Variants in FGF13 observed in about 807,000 individuals in gnomAD.
The protein encoded by FGF13 is fibroblast growth factor 13.
FGF13 carries 2 observed loss-of-function variants against 19.5 expected under a neutral mutation model. The ratio of observed to expected loss-of-function variants is 0.10; its 90% confidence interval spans 0.04 to 0.32. The LOEUF (loss-of-function observed/expected upper bound fraction) is 0.32. Among genes scored for constraint, FGF13 ranks in the 10% least tolerant of loss-of-function variants. The pLI, the probability that FGF13 is intolerant of heterozygous loss-of-function variation, is 1.00. For synonymous variants in FGF13, 72 were observed against 76.9 expected (o/e 0.94, Z 0.33); for missense variants, 113 against 192.7 (o/e 0.59, Z 2.45).
At chrX:139,068,855 T>C (rs2092366371) in intron 1 of FGF13, among the ~76,000 whole-genome samples, 2 of 111,528 alleles carry the variant, frequency 1.8e-5, no homozygotes, top group African/African-American at 6.5e-5. Context: ...AAAGAACACA[T>C]GAAAAAATGC....
intron 3 of FGF13, among the ~76,000 whole-genome samples, chrX:138,787,903 G>T (rs773347921): frequency 9.0e-6 from 1 of 111,570 alleles, no homozygotes; most frequent in South Asian, 3.8e-4. Context: ...ATCACATTGG[G>T]ATTGGATTTC....
At chrX:139,178,487 G>A (rs1321735700) in intron 1 of FGF13, among the ~76,000 whole-genome samples, 1 of 111,844 alleles carries the variant, frequency 8.9e-6, no homozygotes, top group Non-Finnish European at 1.9e-5. Flanking sequence ...ATTTCCATGC[G>A]AACACTACAC....
chrX:138,725,087 A>T (rs1480041164), intron 1 of FGF13, among the ~76,000 whole-genome samples: 2 of 111,802 alleles, frequency 1.8e-5, no homozygotes, highest in Non-Finnish European at 3.8e-5. Context: ...CTATTTTGCG[A>T]GCTATGGTTC....
intron 1 of FGF13, among the ~76,000 whole-genome samples, chrX:139,174,692 G>T (rs1338991256): frequency 8.9e-6 from 1 of 111,952 alleles, no homozygotes; most frequent in Non-Finnish European, 1.9e-5. Flanking sequence ...GTTTGTCAAA[G>T]ATCAGAAGGT....
At chrX:138,781,351 C>T (rs2090640470) in intron 3 of FGF13, among the ~76,000 whole-genome samples, 1 of 109,861 alleles carries the variant, frequency 9.1e-6, no homozygotes, top group African/African-American at 3.3e-5. Flanking sequence ...ACACAAAAAA[C>T]CCTTCAAAAA....
At chrX:138,781,599 C>T (rs1233456507) in intron 3 of FGF13, among the ~76,000 whole-genome samples, 1 of 111,584 alleles carries the variant, frequency 9.0e-6, no homozygotes, top group African/African-American at 3.3e-5. Context: ...CACATACACT[C>T]TCCCAAGACT....
intron 1 of FGF13, among the ~76,000 whole-genome samples, chrX:139,038,861 C>G (rs2092259166): frequency 8.9e-6 from 1 of 112,005 alleles, no homozygotes; most frequent in South Asian, 3.7e-4. Context: ...GATACAAGGC[C>G]TTGAAAAATT....
intron 1 of FGF13, among the ~76,000 whole-genome samples, chrX:139,131,083 T>C (rs1039046306): frequency 9.0e-6 from 1 of 111,492 alleles, no homozygotes; most frequent in Non-Finnish European, 1.9e-5. Context: ...TTTTTCCCAA[T>C]TTGAGGATTG....
At chrX:138,978,952 G>T (rs2091952443) in intron 1 of FGF13, among the ~76,000 whole-genome samples, 1 of 112,352 alleles carries the variant, frequency 8.9e-6, no homozygotes, top group Admixed American at 9.4e-5. Flanking sequence ...AGCATCAAGA[G>T]ATTTAGGCCC....
At chrX:138,836,881 GTT>G (rs199771150) in intron 3 of FGF13, among the ~76,000 whole-genome samples, 2,317 of 96,826 alleles carry the variant, frequency 0.024, 66 homozygotes, top group African/African-American at 0.082. Context: ...TTGGTGGTGG[GTT>G]TTTTTTTTTT....
chrX:138,761,328 T>G (rs2090464617), intron 3 of FGF13, among the ~76,000 whole-genome samples: 1 of 111,446 alleles, frequency 9.0e-6, no homozygotes, highest in East Asian at 2.8e-4. Flanking sequence ...CAGACACAAT[T>G]TTTTACTCTC....
chrX:139,184,859 C>G (rs767038745), intron 1 of FGF13, among the ~76,000 whole-genome samples: 4 of 112,394 alleles, frequency 3.6e-5, no homozygotes, highest in African/African-American at 1.3e-4. Context: ...AATGAACAAT[C>G]TTTTTCATTC....
chrX:138,759,354 G>A (rs1279146381), intron 3 of FGF13, among the ~76,000 whole-genome samples: 1 of 112,481 alleles, frequency 8.9e-6, no homozygotes, highest in Non-Finnish European at 1.9e-5. Flanking sequence ...TGCCATTTAT[G>A]GCAACTGGCT....
Position 139,179,438 on chromosome X carries a change from T to C in FGF13, c.-113+23978A>G, listed in dbSNP as rs776324348. The stretch of plus-strand genomic sequence containing the variant: ...TCCTACAGTATGAGTCAAATACTCT[T>C]GTGATTCCAGGACATTAAAAAAAAA... On this transcript the variant is annotated intron_variant, in intron 1 of 2. Coordinates refer to the FGF13 transcript ENST00000421460. 5.2e-4 allele frequency among the ~76,000 whole-genome samples: 47 copies of C among 90,487 alleles called. No individual in the cohort carries two copies. The South Asian group carries it at 0.028, about 54-fold the overall frequency. 78.6% of individuals were successfully genotyped at this position (90,487 alleles called of 115,157 possible).
chrX:139,150,940 C>A (rs1036055335), intron 1 of FGF13, among the ~76,000 whole-genome samples: 7 of 110,734 alleles, frequency 6.3e-5, no homozygotes, highest in African/African-American at 2.3e-4. Context: ...ATGACTGAAT[C>A]TTTTCTCATA....
chrX:138,866,282 GT>G (rs2091322467), intron 1 of FGF13, among the ~76,000 whole-genome samples: 1 of 112,578 alleles, frequency 8.9e-6, no homozygotes, highest in South Asian at 3.7e-4. Flanking sequence ...AGTTCCCAAG[GT>G]GAAGCAAGGG....
At chrX:138,962,683 A>T (rs186872814) in intron 1 of FGF13, among the ~76,000 whole-genome samples, 5 of 112,130 alleles carry the variant, frequency 4.5e-5, no homozygotes, top group African/African-American at 1.3e-4. Flanking sequence ...GGATGAGTTC[A>T]TGTCATTTGT....
intron 1 of FGF13, among the ~76,000 whole-genome samples, chrX:138,888,784 C>A (rs2091463214): frequency 9.0e-6 from 1 of 111,592 alleles, no homozygotes; most frequent in African/African-American, 3.3e-5. Flanking sequence ...ATCTCTACAA[C>A]CTTCCTGCAA....
chrX:138,693,339 T>C (rs748373277), intron 3 of FGF13, among the ~76,000 whole-genome samples: 2 of 112,055 alleles, frequency 1.8e-5, no homozygotes, highest in African/African-American at 6.5e-5. Flanking sequence ...AAGACTTTCA[T>C]CTTAATAACA....
Sources: gnomAD v4.1 joint callset for allele counts (sites outside exome capture counted in the v4.1 genomes callset) on GRCh38, gnomAD v4.1.1 for gene constraint, MANE v1.5 for transcripts, NCBI Gene and HGNC (gene_info 2026-07-23, HGNC 2026-07-21) for gene names.